CALCA: variants seen among roughly 807,000 people sequenced by gnomAD.
CALCA encodes calcitonin.
CALCA carries 4 observed loss-of-function variants against 6.9 expected under a neutral mutation model. That is an observed-to-expected ratio of 0.58 (90% CI 0.29 to 1.33). The LOEUF is 1.33. CALCA is among the 40% of genes most tolerant of loss of function. The pLI is 0.09. For missense variants in CALCA, 174 were observed against 178.3 expected, an observed-to-expected ratio of 0.98 and a Z score of 0.14; for synonymous variants, 78 against 70.0, an observed-to-expected ratio of 1.11 and a Z score of -0.57.
chr11:14,969,893 C>T (rs782498401), intron 3 of CALCA, 42 bp downstream of exon 3: 9 of 1,611,918 alleles, frequency 5.6e-6, no homozygotes, highest in Middle Eastern at 2.2e-4. Context: ...GTGTATGCTG[C>T]GGGGAGAGGA....
rs5241 is a variant in CALCA at position 14,968,997 on chromosome 11, G to T, written c.228C>A (p.Ser76Arg). 25,108 of 1,612,992 alleles carry T rather than the reference G, an allele frequency of 0.016. 996 individuals are homozygous for T. Among genetic ancestry groups the T allele is most frequent in the African/African-American group, 0.15 (11,266 of 74,934 alleles). The change falls in exon 4 of 4, where the codon AGC becomes AGA. Residue 76 changes from serine to arginine, a missense_variant and splice_region_variant. Transcript: ENST00000331587. Reference protein sequence around the residue: ...LEQEQEREGSSLDSPRSKRCG... With the variant: ...LEQEQEREGSRLDSPRSKRCG... ...ACCGCTTAGATCTGGGGCTGTCCAG[G>T]CTGCAGGGAAAACACATACCAGACA...
At chr11:14,969,840 C>T in intron 3 of CALCA, 95 bp downstream of exon 3, 5 of 1,585,828 alleles carry the variant, frequency 3.2e-6, no homozygotes, top group Non-Finnish European at 4.3e-6. Flanking sequence ...TGTTGGATTC[C>T]TGGCCAGTGT....
rs776680257 is a variant in CALCA, at chr11:14,970,056, G to T, written c.106C>A (p.Pro36Thr). ...TCACTGAGCGTGGCCGGGTCTGCTG[G>T]GCTGCTCTCCAGGGCAGACCTGTGG... ...APFRSALESS[P>T]ADPATLSEDE... The change falls in exon 3 of 4, where the codon CCA (proline) becomes ACA (threonine). Residue 36 changes from proline (P) to threonine (T), a missense_variant. Physicochemically the swap from Pro to Thr is conservative, Grantham distance 38. Coordinates refer to ENST00000331587, the MANE Select transcript of CALCA (RefSeq NM_001741.3). The T allele has an allele frequency of 2.8e-5, 46 of 1,614,112 alleles. No homozygotes were observed. In the Middle Eastern group the frequency reaches 9.9e-4, roughly 35 times the overall value.
Position 14,968,781 on chromosome 11 carries a change from G to A in CALCA, c.*18C>T. Reference sequence around the variant, plus strand: ...AGGAAGGATGCAAGAAGGGAAATTAGGAAGGAAAGGGAGGAGTTTAGTTGG... The same window carrying A: ...AGGAAGGATGCAAGAAGGGAAATTAAGAAGGAAAGGGAGGAGTTTAGTTGG... On this transcript the variant is annotated 3_prime_UTR_variant, in exon 4 of 4. Transcript: ENST00000331587. 6.2e-7 allele frequency: 1 copy of A among 1,614,108 alleles called. No homozygotes were observed. Among genetic ancestry groups the A allele is most frequent in the East Asian group, 2.2e-5 (1 of 44,878 alleles).
At chr11:14,972,065 G>C (rs1849619951) in intron 1 of CALCA, among the ~76,000 whole-genome samples, 180 bp downstream of exon 1, 1 of 152,212 alleles carries the variant, frequency 6.6e-6, no homozygotes, top group Non-Finnish European at 1.5e-5. Flanking sequence ...GCGAGCCGGG[G>C]GATTGAGACT....
chr11:14,972,038 G>T lies in CALCA; in HGVS notation c.-10+207C>A, dbSNP rs7124346. On this transcript the variant is annotated intron_variant, in intron 1 of 3. Coordinates refer to ENST00000331587, the MANE Select transcript of CALCA (RefSeq NM_001741.3). Reference sequence around the variant, plus strand: ...GTGCGAGAGAGTAAGACTGGAGTCCGCAGCCGAGCAGGAAGAGCGAGCCGG... The same window carrying T: ...GTGCGAGAGAGTAAGACTGGAGTCCTCAGCCGAGCAGGAAGAGCGAGCCGG... Among the ~76,000 whole-genome samples the T allele has an allele frequency of 1.7e-3, 262 of 152,318 alleles. 1 individual carries two copies. Among genetic ancestry groups the T allele is most frequent in the African/African-American group, 6.0e-3 (249 of 41,562 alleles).
At chr11:14,969,192 G>C (rs1555025945) in intron 3 of CALCA, among the ~76,000 whole-genome samples, 195 bp from the exon 4 acceptor site, 1 of 152,142 alleles carries the variant, frequency 6.6e-6, no homozygotes, top group Non-Finnish European at 1.5e-5. Context: ...GGCTGGATGG[G>C]GAAGGATGAT....
downstream of CALCA, chr11:14,967,753 A>G (rs782305301): frequency 7.4e-6 from 12 of 1,614,188 alleles, no homozygotes; most frequent in African/African-American, 1.3e-5. Flanking sequence ...ATTGGTGGGC[A>G]CAAAGTTGTT....
intron 1 of CALCA, among the ~76,000 whole-genome samples, chr11:14,971,449 G>A (rs1231314957): frequency 1.3e-5 from 2 of 152,118 alleles, no homozygotes; most frequent in Admixed American, 6.5e-5. Flanking sequence ...AGAGCTGAGT[G>A]GGGGAGGTCT....
At chr11:14,967,573 A>AT (rs1555025578), downstream of CALCA, 4 of 1,407,332 alleles carry the variant, frequency 2.8e-6, no homozygotes, top group African/African-American at 2.8e-5. Context: ...TCCCTTATGG[A>AT]TTTTTTAAAA....
Position 14,969,937 on chromosome 11 carries a change from G to C in CALCA, c.225C>G (p.Ser75=). 6.2e-7 allele frequency: 1 copy of C among 1,612,802 alleles called. No individual in the cohort carries two copies. Among genetic ancestry groups the C allele is most frequent in the Non-Finnish European group, 8.5e-7 (1 of 1,180,026 alleles). ...ELEQEQEREG[S]SLDSPRSKRC... ...GCTGAGCGCTTGGGGAGCCTCACCT[G>C]GAGCCCTCTCTCTCTTGCTCCTGCT... The change falls in exon 3 of 4, where the codon TCC becomes TCG. Residue 75 remains serine, a splice_region_variant and synonymous_variant. Transcript: ENST00000331587.
At chr11:14,970,753 A>T (rs1849583065) in intron 2 of CALCA, among the ~76,000 whole-genome samples, 1 of 152,004 alleles carries the variant, frequency 6.6e-6, no homozygotes, top group Non-Finnish European at 1.5e-5. Flanking sequence ...TACAAAAATT[A>T]GCCGGGCATG....
intron 2 of CALCA, 102 bp from the exon 3 acceptor site, chr11:14,970,177 T>A: frequency 6.6e-7 from 1 of 1,522,916 alleles, no homozygotes. Flanking sequence ...CCCCTGAGGA[T>A]GTGGCCAGCG....
At position 14,968,811 on chromosome 11, in the gene CALCA, C is replaced by T. The variant is rs782396077; in HGVS notation, c.414G>A (p.Gln138=). 4 of 1,614,002 alleles carry T rather than the reference C, an allele frequency of 2.5e-6. No individual in the cohort carries two copies. The African/African-American group carries it at 4.0e-5, about 16-fold the overall frequency. The stretch of plus-strand genomic sequence containing the variant: ...GAAAGGGAGGAGTTTAGTTGGCATT[C>T]TGGGGCATGCTAACATGAGGGCGAT... The part of the protein sequence containing the change: ...RDHRPHVSMP[Q]NAN Residue 138 remains glutamine (Q), a synonymous_variant, in exon 4 of 4, where the codon CAG becomes CAA. Transcript: ENST00000331587.
chr11:14,968,752 T>A lies in CALCA; in HGVS notation c.*47A>T. On this transcript the variant is annotated 3_prime_UTR_variant, in exon 4 of 4. Transcript: ENST00000331587. ...GAGGAACCAAACCACATGCATCAAGTTATAGGAAGGATGCAAGAAGGGAAA... is the reference window on the plus strand; with the variant it reads ...GAGGAACCAAACCACATGCATCAAGATATAGGAAGGATGCAAGAAGGGAAA... The A allele has an allele frequency of 6.2e-7, 1 of 1,613,414 alleles. No individual in the cohort carries two copies. The highest frequency in any genetic ancestry group is 8.5e-7 in the Non-Finnish European group (1 of 1,179,764).
intron 2 of CALCA, 38 bp from the exon 3 acceptor site, chr11:14,970,113 C>G (rs1555026213): frequency 6.2e-7 from 1 of 1,611,020 alleles, no homozygotes; most frequent in African/African-American, 1.3e-5. Context: ...GGCTGTGAGC[C>G]CCTGCCTGCC....
chr11:14,970,156 C>G, intron 2 of CALCA, 81 bp from the exon 3 acceptor site: 1 of 1,570,482 alleles, frequency 6.4e-7, no homozygotes, highest in South Asian at 1.2e-5. Context: ...GCTTCCTGGT[C>G]TTTGCTTCTT....
downstream of CALCA, chr11:14,968,301 C>T (rs34200140): frequency 1.3e-3 from 495 of 373,568 alleles, 3 homozygotes; most frequent in Middle Eastern, 9.8e-3. Flanking sequence ...GGAAGAGGAG[C>T]GGAGTTTGCA....
At position 14,970,011 on chromosome 11, in the gene CALCA, G is replaced by A; in HGVS notation, c.151C>T (p.Leu51=). 6.2e-7 allele frequency: 1 copy of A among 1,614,234 alleles called. No individual in the cohort carries two copies. The highest frequency in any genetic ancestry group is 8.5e-7 in the Non-Finnish European group (1 of 1,180,048). ...ACATAGTCCTGCACCAGTGCAGCCA[G>A]CAGGAGGCGCGCTTCGTCCTCACTG... is the stretch of plus-strand genomic sequence containing the variant. The part of the protein sequence containing the change: ...TLSEDEARLL[L]AALVQDYVQM... The change falls in exon 3 of 4, where the codon CTG becomes TTG. Residue 51 remains leucine (L), a synonymous_variant. Transcript: ENST00000331587.
Sources: allele counts gnomAD v4.1 joint callset (sites outside exome capture counted in the v4.1 genomes callset), GRCh38; gene constraint gnomAD v4.1.1; transcripts MANE v1.5; gene names NCBI Gene and HGNC (gene_info 2026-07-23, HGNC 2026-07-21).